The following TTLL5 variants were observed in gnomAD, a reference collection of about 807,000 sequenced individuals.
TTLL5 encodes tubulin tyrosine ligase like 5.
TTLL5 carries 132 observed loss-of-function variants against 168.4 expected under a neutral mutation model. The ratio of observed to expected loss-of-function variants is 0.78; its 90% CI spans 0.68 to 0.91. The LOEUF is 0.91. Among genes scored for constraint, TTLL5 ranks in the 40% least tolerant of loss-of-function variants. The pLI, the probability that TTLL5 is intolerant of heterozygous loss-of-function variation, is 0.00. For synonymous variants in TTLL5, 546 were observed against 558.6 expected (o/e 0.98, Z 0.32); for missense variants, 1,545 against 1,581.5 (o/e 0.98, Z 0.39).
At chr14:75,698,004 CA>C (rs945936537) in intron 6 of TTLL5, among the ~76,000 whole-genome samples, 2 of 152,072 alleles carry the variant, frequency 1.3e-5, no homozygotes. Flanking sequence ...AGAAAAATAC[CA>C]AAAACAAAAA....
chr14:75,707,163 T>A, intron 8 of TTLL5, 76 bp downstream of exon 8: 1 of 1,138,030 alleles, frequency 8.8e-7, no homozygotes, highest in Non-Finnish European at 1.3e-6. Flanking sequence ...TAGCCTTCTC[T>A]AGTAAGTCTT....
chr14:75,779,418 A>G (rs1404788759), intron 23 of TTLL5, among the ~76,000 whole-genome samples, 157 bp from the exon 24 acceptor site: 1 of 152,130 alleles, frequency 6.6e-6, no homozygotes, highest in Non-Finnish European at 1.5e-5. Context: ...GATTGCTTTC[A>G]TTTATATTTT....
intron 31 of TTLL5, among the ~76,000 whole-genome samples, chr14:75,922,837 C>G (rs149771898): frequency 6.6e-6 from 1 of 152,018 alleles, no homozygotes; most frequent in South Asian, 2.1e-4. Context: ...TGGTAGAATT[C>G]GGCTGTGAGT....
chr14:75,851,116 A>AG (rs1283993238), intron 28 of TTLL5, among the ~76,000 whole-genome samples: 5 of 151,574 alleles, frequency 3.3e-5, no homozygotes, highest in African/African-American at 1.2e-4. Flanking sequence ...AAAAAAAAAA[A>AG]AGTTAATGGA....
chr14:75,666,438 A>G (rs1181297917), intron 2 of TTLL5, among the ~76,000 whole-genome samples: 1 of 152,266 alleles, frequency 6.6e-6, no homozygotes, highest in African/African-American at 2.4e-5. Context: ...ATGTAGATAT[A>G]GAAGCTTTCG....
chr14:75,694,383 C>T (rs952013018), intron 6 of TTLL5, among the ~76,000 whole-genome samples: 3 of 152,164 alleles, frequency 2.0e-5, no homozygotes, highest in Non-Finnish European at 4.4e-5. Flanking sequence ...ATCGCCCAGG[C>T]TGGAGTGCAA....
chr14:75,807,215 A>T (rs1283467548), intron 27 of TTLL5, among the ~76,000 whole-genome samples: 1 of 152,170 alleles, frequency 6.6e-6, no homozygotes, highest in Non-Finnish European at 1.5e-5. Flanking sequence ...TGGGAGGCCG[A>T]GGTGGGTGGA....
chr14:75,730,163 T>G (rs1002894568), intron 12 of TTLL5, among the ~76,000 whole-genome samples: 3 of 152,250 alleles, frequency 2.0e-5, no homozygotes, highest in African/African-American at 7.2e-5. Flanking sequence ...AAATGTTGTA[T>G]TCTCTCTTGC....
chr14:75,701,366 C>A (rs1248817009), intron 7 of TTLL5, among the ~76,000 whole-genome samples: 4 of 152,110 alleles, frequency 2.6e-5, no homozygotes, highest in Non-Finnish European at 5.9e-5. Context: ...TATTTATGAA[C>A]AAAAGACTAG....
chr14:75,717,798 A>T (rs1319705126), intron 9 of TTLL5, 63 bp from the exon 10 acceptor site: 2 of 1,471,450 alleles, frequency 1.4e-6, no homozygotes, highest in Non-Finnish European at 1.9e-6. Context: ...ATTGATCCTC[A>T]GTTCCAGCCT....
intron 31 of TTLL5, among the ~76,000 whole-genome samples, chr14:75,943,848 C>T (rs933357954): frequency 4.6e-5 from 7 of 152,006 alleles, no homozygotes; most frequent in African/African-American, 1.4e-4. Flanking sequence ...TATGACCAAG[C>T]AGATTTGAAA....
chr14:75,717,822 A>G (rs1266823656), intron 9 of TTLL5, 39 bp from the exon 10 acceptor site: 4 of 1,588,880 alleles, frequency 2.5e-6, no homozygotes, highest in Admixed American at 3.3e-5. Context: ...TTTCCTTGAA[A>G]CTCTGTTCCT....
chr14:75,872,808 G>A (rs2031144759), intron 29 of TTLL5, among the ~76,000 whole-genome samples: 1 of 151,664 alleles, frequency 6.6e-6, no homozygotes, highest in Non-Finnish European at 1.5e-5. Context: ...CTACTCAGGA[G>A]GCTGAGGTAG....
At chr14:75,665,847 G>T (rs376710666) in intron 2 of TTLL5, among the ~76,000 whole-genome samples, 1 of 152,112 alleles carries the variant, frequency 6.6e-6, no homozygotes, top group Non-Finnish European at 1.5e-5. Flanking sequence ...GTGAGACTCC[G>T]TCTCAAACAA....
At chr14:75,700,764 A>G (rs1886212574) in intron 7 of TTLL5, among the ~76,000 whole-genome samples, 1 of 152,142 alleles carries the variant, frequency 6.6e-6, no homozygotes, top group African/African-American at 2.4e-5. Flanking sequence ...ACTCTGCCTT[A>G]TGCCCTCAGA....
intron 9 of TTLL5, chr14:75,710,894 TA>T (rs2140181074): frequency 6.6e-6 from 1 of 152,330 alleles, no homozygotes; most frequent in South Asian, 2.1e-4. Flanking sequence ...TAATCTTTCC[TA>T]AAGAGACGGA....
At chr14:75,676,178 A>G (rs759917647) in intron 3 of TTLL5, among the ~76,000 whole-genome samples, 1 of 152,116 alleles carries the variant, frequency 6.6e-6, no homozygotes, top group African/African-American at 2.4e-5. Context: ...TTCATTCCCT[A>G]TATTTAAATG....
chr14:75,886,717 C>T (rs1326086614), intron 30 of TTLL5: 3 of 1,598,048 alleles, frequency 1.9e-6, no homozygotes, highest in Non-Finnish European at 2.5e-6. Context: ...TTCAGATCCT[C>T]CTTTCAAAAC....
intron 28 of TTLL5, among the ~76,000 whole-genome samples, chr14:75,829,971 T>C (rs1279482418): frequency 6.6e-6 from 1 of 152,244 alleles, no homozygotes; most frequent in East Asian, 1.9e-4. Context: ...GTATCATTAA[T>C]CATTCTCCTT....
Sources: gnomAD v4.1 joint callset for allele counts (sites outside exome capture counted in the v4.1 genomes callset) on GRCh38, gnomAD v4.1.1 for gene constraint, MANE v1.5 for transcripts, NCBI Gene and HGNC (gene_info 2026-07-23, HGNC 2026-07-21) for gene names.